Variants in USP14 observed in about 807,000 individuals in gnomAD.
USP14 encodes ubiquitin carboxyl-terminal hydrolase 14.
A neutral mutation model predicts 76.5 loss-of-function variants in USP14; 38 were observed. That is an observed-to-expected ratio of 0.50 (90% confidence interval 0.38 to 0.65). The LOEUF (loss-of-function observed/expected upper bound fraction) is 0.65, where lower values mean the gene tolerates loss of function less well. USP14 is among the 30% of genes least tolerant of loss of function. USP14 has a pLI of 0.00. For synonymous variants in USP14, 192 were observed against 191.7 expected (o/e 1.00, Z -0.01); for missense variants, 467 against 586.5 (o/e 0.80, Z 2.10).
chr18:184,968 C>G (rs1346009833), intron 5 of USP14, among the ~76,000 whole-genome samples: 2 of 151,942 alleles, frequency 1.3e-5, no homozygotes, highest in African/African-American at 2.4e-5. Context: ...GAGTTAGATT[C>G]TCAATTTAGA....
chr18:171,026 ATAT>A (rs1429639227), intron 3 of USP14, among the ~76,000 whole-genome samples: 21 of 30,746 alleles, frequency 6.8e-4, no homozygotes, highest in African/African-American at 1.6e-3. Context: ...AAAAAAAAAA[ATAT>A]ATATATATAT....
chr18:170,987 C>T (rs1419669360), intron 3 of USP14, among the ~76,000 whole-genome samples: 1 of 132,224 alleles, frequency 7.6e-6, no homozygotes, highest in Non-Finnish European at 1.6e-5. Flanking sequence ...GCATGCACAT[C>T]CTGGACATGT....
intron 10 of USP14, among the ~76,000 whole-genome samples, chr18:200,350 G>T (rs1910352454): frequency 6.6e-6 from 1 of 152,158 alleles, no homozygotes; most frequent in Non-Finnish European, 1.5e-5. Flanking sequence ...GTCTAAACCA[G>T]GACACTTTGG....
intron 14 of USP14, 101 bp downstream of exon 14, chr18:210,132 A>G: frequency 9.9e-7 from 1 of 1,010,560 alleles, no homozygotes; most frequent in Non-Finnish European, 1.5e-6. Flanking sequence ...GTGCTTTTCA[A>G]ACAAAATGTC....
At chr18:179,137 A>T in intron 4 of USP14, 100 bp downstream of exon 4, 2 of 733,408 alleles carry the variant, frequency 2.7e-6, no homozygotes. Context: ...TGAAGACTTA[A>T]TCATTAATAC....
chr18:202,618 A>G (rs1256742435), intron 10 of USP14, among the ~76,000 whole-genome samples: 1 of 152,228 alleles, frequency 6.6e-6, no homozygotes, highest in East Asian at 1.9e-4. Flanking sequence ...TTTGGGGCAT[A>G]GCTAAAAAAG....
chr18:162,817 A>C (rs1325911948), intron 1 of USP14, among the ~76,000 whole-genome samples: 1 of 141,288 alleles, frequency 7.1e-6, no homozygotes, highest in Non-Finnish European at 1.5e-5. Context: ...TTTTTTTTTG[A>C]GATGGAGTCT....
At position 173,954 on chromosome 18, in the gene USP14, GT is replaced by G. The variant is rs1271385176; in HGVS notation, c.196-4975del. Among the ~76,000 whole-genome samples the G allele has an allele frequency of 3.9e-5, 6 of 152,220 alleles. No homozygotes were observed. In the East Asian group the frequency reaches 1.2e-3, roughly 29 times the overall value. Reference sequence around the variant, plus strand: ...TTTGTACCAGTACCCATTCCCTGCTGTTTTGATTCTTCAGGCCTTGAAATCA... The same window carrying G: ...TTTGTACCAGTACCCATTCCCTGCTGTTTGATTCTTCAGGCCTTGAAATCA... On this transcript the variant is annotated intron_variant, in intron 3 of 15. Transcript: ENST00000261601.
At chr18:167,302 A>G (rs1374635128) in intron 3 of USP14, among the ~76,000 whole-genome samples, 1 of 152,224 alleles carries the variant, frequency 6.6e-6, no homozygotes, top group Non-Finnish European at 1.5e-5. Flanking sequence ...TCTTGAAATA[A>G]GATAGTATAT....
At chr18:173,472 C>A (rs1400839783) in intron 3 of USP14, among the ~76,000 whole-genome samples, 1 of 151,144 alleles carries the variant, frequency 6.6e-6, no homozygotes, top group Admixed American at 6.6e-5. Context: ...AGTGCAATGG[C>A]GTGATCTCAG....
At chr18:174,609 CTTTTT>C (rs112640574) in intron 3 of USP14, among the ~76,000 whole-genome samples, 1 of 134,766 alleles carries the variant, frequency 7.4e-6, no homozygotes, top group African/African-American at 2.8e-5. Context: ...ACTTTTCTTT[CTTTTT>C]TTTTTTTTTT....
intron 1 of USP14, among the ~76,000 whole-genome samples, chr18:159,241 G>A (rs1909046692): frequency 3.3e-5 from 5 of 152,208 alleles, no homozygotes; most frequent in Admixed American, 3.3e-4. Flanking sequence ...TTTGTCCCGA[G>A]GCAGATTGTA....
chr18:187,949 C>CTAAA (rs1265287997), intron 5 of USP14, among the ~76,000 whole-genome samples: 2 of 152,132 alleles, frequency 1.3e-5, no homozygotes, highest in Non-Finnish European at 2.9e-5. Context: ...TTTGGATTTT[C>CTAAA]TAAATAGATA....
At chr18:199,989 T>C (rs1910342706) in intron 10 of USP14, among the ~76,000 whole-genome samples, 1 of 152,214 alleles carries the variant, frequency 6.6e-6, no homozygotes, top group African/African-American at 2.4e-5. Flanking sequence ...CTTCATTTCA[T>C]AGACAAAAGC....
rs185986237 is a variant in USP14, at chr18:214,526, T to C, written c.*3242T>C. The stretch of plus-strand genomic sequence containing the variant: ...CCAGCCGACTGTACAACAATTGTTA[T>C]AAAAATGTTTATTGTTTACCAAAAC... On this transcript the variant is annotated 3_prime_UTR_variant, in exon 16 of 16. Transcript: ENST00000261601. 2 of 962,020 alleles carry C rather than the reference T, an allele frequency of 2.1e-6. No homozygotes were observed. The highest frequency in any genetic ancestry group is 3.1e-6 in the Non-Finnish European group (2 of 653,332). 59.6% of individuals were successfully genotyped at this position (962,020 alleles called of 1,614,324 possible). A position where few individuals can be genotyped will look rare whatever the true frequency, so the allele number is the denominator to read the frequency against.
intron 3 of USP14, among the ~76,000 whole-genome samples, chr18:174,279 T>C (rs1278675796): frequency 1.3e-5 from 2 of 151,318 alleles, no homozygotes; most frequent in Non-Finnish European, 2.9e-5. Context: ...TTTTTTTTTT[T>C]TTTTTTGAGA....
At chr18:189,091 A>G (rs530194062) in intron 5 of USP14, among the ~76,000 whole-genome samples, 3 of 150,954 alleles carry the variant, frequency 2.0e-5, no homozygotes, top group South Asian at 4.2e-4. Flanking sequence ...TTATTCTACT[A>G]TTGGACCTGT....
At chr18:183,075 A>T (rs1383437494) in intron 5 of USP14, among the ~76,000 whole-genome samples, 2 of 152,194 alleles carry the variant, frequency 1.3e-5, no homozygotes, top group African/African-American at 2.4e-5. Context: ...AATTTTGCTT[A>T]AAAAATTGCC....
At chr18:210,827 G>A (rs1037765487) in intron 15 of USP14, among the ~76,000 whole-genome samples, 1 of 152,200 alleles carries the variant, frequency 6.6e-6, no homozygotes, top group South Asian at 2.1e-4. Flanking sequence ...TCTCCTGTTA[G>A]TGTTCGCATT....
Sources: allele counts gnomAD v4.1 joint callset (sites outside exome capture counted in the v4.1 genomes callset), GRCh38; gene constraint gnomAD v4.1.1; transcripts MANE v1.5; gene names NCBI Gene and HGNC (gene_info 2026-07-23, HGNC 2026-07-21).